PATJ: variants seen among roughly 807,000 people sequenced by gnomAD.
The protein encoded by PATJ is inaD-like protein.
Under a neutral mutation model 224.9 loss-of-function variants are expected in PATJ, and 190 were observed. The observed-to-expected ratio is 0.84, with a 90% CI of 0.75 to 0.95. The LOEUF is 0.95. PATJ is among the 40% of genes least tolerant of loss of function. The probability of loss-of-function intolerance (pLI) is 0.00; values close to 1 mark genes in which losing one functional copy is unlikely to be tolerated. For missense variants in PATJ, 2,121 were observed against 2,270.3 expected, an observed-to-expected ratio of 0.93 and a Z score of 1.34; for synonymous variants, 769 against 820.3, an observed-to-expected ratio of 0.94 and a Z score of 1.07.
Position 61,756,649 on chromosome 1 carries a change from G to T in PATJ, c.-35-6209G>T, listed in dbSNP as rs149122266. On this transcript the variant is annotated intron_variant, in intron 1 of 43. Transcript: ENST00000642238. ...GCTGGAGTGCAGTGGCATGATCTCG[G>T]CTCACTGCAACCTCTGCCTCCCGGG... is the stretch of plus-strand genomic sequence containing the variant. Among the ~76,000 whole-genome samples the T allele has an allele frequency of 2.5e-4, 36 of 143,888 alleles. No homozygotes were observed. The East Asian group carries it at 6.5e-3, about 26-fold the overall frequency. The allele number at this position is 143,888 out of a possible 152,430, so 94.4% of individuals were successfully genotyped here.
intron 22 of PATJ, among the ~76,000 whole-genome samples, chr1:61,894,487 TAGTG>T (rs967737002): frequency 7.9e-5 from 12 of 152,124 alleles, no homozygotes; most frequent in Non-Finnish European, 1.5e-4. Flanking sequence ...GTTCTCATGA[TAGTG>T]AGGGAGTTCT....
intron 6 of PATJ, among the ~76,000 whole-genome samples, chr1:61,771,874 C>T (rs1026248456): frequency 1.6e-4 from 25 of 151,956 alleles, no homozygotes; most frequent in Non-Finnish European, 1.5e-5. Context: ...CGCCCACCAT[C>T]ACACTTGGCT....
At chr1:61,813,407 A>G (rs1412585494) in intron 14 of PATJ, among the ~76,000 whole-genome samples, 3 of 146,484 alleles carry the variant, frequency 2.0e-5, no homozygotes, top group Non-Finnish European at 3.0e-5. Flanking sequence ...ACATACACAC[A>G]TATACATATT....
At chr1:61,938,521 T>C (rs1356733700) in intron 27 of PATJ, among the ~76,000 whole-genome samples, 1 of 152,056 alleles carries the variant, frequency 6.6e-6, no homozygotes, top group Admixed American at 6.6e-5. Flanking sequence ...ATGTACCCCC[T>C]GTATCTAAAA....
chr1:61,961,776 C>T (rs373718779), intron 27 of PATJ, among the ~76,000 whole-genome samples: 7 of 151,938 alleles, frequency 4.6e-5, no homozygotes, highest in African/African-American at 1.7e-4. Flanking sequence ...TGAGACCAGC[C>T]TGACCAACAT....
Position 62,039,082 on chromosome 1 carries a change from A to C in PATJ, c.4032+1033A>C, listed in dbSNP as rs999642389. 17 of 791,014 alleles carry C rather than the reference A, an allele frequency of 2.1e-5. No homozygotes were observed. In the Admixed American group the frequency reaches 3.0e-4, roughly 14 times the overall value. 49.0% of individuals were successfully genotyped at this position (791,014 alleles called of 1,614,324 possible). ...TATGATCCAGAAGCATGATGGCTTC[A>C]CAGTGGCAGTACACAAAATGGCCTC... On this transcript the variant is annotated intron_variant, in intron 30 of 43. Transcript: ENST00000642238.
chr1:61,850,271 C>T (rs961096719), intron 17 of PATJ, among the ~76,000 whole-genome samples: 2 of 152,186 alleles, frequency 1.3e-5, no homozygotes, highest in African/African-American at 2.4e-5. Context: ...TGGGAATGTA[C>T]ACAAATATTC....
chr1:61,748,246 C>CTTTTTT (rs35918825), intron 1 of PATJ, among the ~76,000 whole-genome samples: 4 of 65,138 alleles, frequency 6.1e-5, no homozygotes, highest in African/African-American at 6.5e-5. Context: ...GCCTTAATGC[C>CTTTTTT]TTTTTTTTTT....
chr1:61,914,752 T>C, intron 26 of PATJ, 88 bp downstream of exon 26: 1 of 703,008 alleles, frequency 1.4e-6, no homozygotes. Context: ...AGAAGTGGCT[T>C]TTTGATGAGT....
chr1:62,160,832 T>A lies in PATJ; in HGVS notation c.5503-76T>A, dbSNP rs747484846. ...TCTTTTAATATGCACACCAGACAGA[T>A]GTTAGAGGTTTTAATATCAATTTAA... On this transcript the variant is annotated intron_variant, in intron 43 of 43. Coordinates refer to ENST00000642238, the MANE Select transcript of PATJ (RefSeq NM_001350145.3). 10 of 1,481,998 alleles carry A rather than the reference T, an allele frequency of 6.7e-6. No individual in the cohort carries two copies. The Admixed American group carries it at 1.8e-4, about 27-fold the overall frequency. The allele number at this position is 1,481,998 out of a possible 1,614,324, so 91.8% of individuals were successfully genotyped here.
intron 30 of PATJ, chr1:62,039,077 G>C: frequency 1.2e-6 from 1 of 807,054 alleles, no homozygotes; most frequent in Admixed American, 1.8e-5. Flanking sequence ...AAGCATGATG[G>C]CTTCACAGTG....
intron 14 of PATJ, among the ~76,000 whole-genome samples, chr1:61,812,381 A>AGTGT (rs1557687848): frequency 2.8e-5 from 1 of 35,212 alleles, no homozygotes; most frequent in Non-Finnish European, 7.0e-5. Context: ...AGAGAGAGAG[A>AGTGT]GAGAGAGAGA....
At chr1:61,909,563 C>A (rs1188394142) in intron 25 of PATJ, among the ~76,000 whole-genome samples, 1 of 152,134 alleles carries the variant, frequency 6.6e-6, no homozygotes, top group Non-Finnish European at 1.5e-5. Context: ...GCCTTTATCT[C>A]CTGGGCTCAA....
intron 28 of PATJ, chr1:61,991,441 T>C (rs1420551936): frequency 4.2e-6 from 4 of 950,622 alleles, no homozygotes; most frequent in Non-Finnish European, 5.0e-6. Flanking sequence ...TTACTTGAAA[T>C]GAAGGCTTAC....
At chr1:62,110,477 A>G (rs893716968) in intron 34 of PATJ, among the ~76,000 whole-genome samples, 2 of 152,174 alleles carry the variant, frequency 1.3e-5, no homozygotes, top group Non-Finnish European at 2.9e-5. Context: ...TTGGCCTTTC[A>G]TGGTTTTAAT....
chr1:61,876,339 G>C (rs1186048224), intron 21 of PATJ, among the ~76,000 whole-genome samples: 2 of 152,084 alleles, frequency 1.3e-5, no homozygotes, highest in Non-Finnish European at 2.9e-5. Flanking sequence ...ATCATGACTA[G>C]AAGAAAAATG....
Position 61,869,896 on chromosome 1 carries a change from C to A in PATJ, c.2835+5263C>A, listed in dbSNP as rs183172835. On this transcript the variant is annotated intron_variant, in intron 20 of 43. Transcript: ENST00000642238. ...AAGCGCTTTTGGGTACTGGCAGGAG[C>A]AAATTCTGTGCAGGCCCAGCGGCAG... Among the ~76,000 whole-genome samples, 28 of 152,350 alleles carry A rather than the reference C, an allele frequency of 1.8e-4. 1 individual carries two copies. The East Asian group carries it at 5.4e-3, about 30-fold the overall frequency.
intron 20 of PATJ, among the ~76,000 whole-genome samples, chr1:61,871,485 G>GTATATACACATATATACACA (rs1557793331): frequency 1.0e-5 from 1 of 100,184 alleles, no homozygotes; most frequent in Non-Finnish European, 2.0e-5. Flanking sequence ...ATATATATGT[G>GTATATACACATATATACACA]TATATATGTA....
rs569924477 is a variant in PATJ at position 62,048,268 on chromosome 1, C to T, written c.4033-2698C>T. 1.2e-4 allele frequency among the ~76,000 whole-genome samples: 18 copies of T among 152,028 alleles called. No individual in the cohort carries two copies. The East Asian group carries it at 2.1e-3, about 18-fold the overall frequency. ...GGAAACAAAGAAAGAAAGAAAAGGC[C>T]GGGCGTGGTGGCTCACACTGTAATC... On this transcript the variant is annotated intron_variant, in intron 30 of 43. Coordinates refer to ENST00000642238, the MANE Select transcript of PATJ (RefSeq NM_001350145.3).
Sources: allele counts gnomAD v4.1 joint callset (sites outside exome capture counted in the v4.1 genomes callset), GRCh38; gene constraint gnomAD v4.1.1; transcripts MANE v1.5; gene names NCBI Gene and HGNC (gene_info 2026-07-23, HGNC 2026-07-21).